Variants in PPA2 observed in about 807,000 individuals in gnomAD.
The protein encoded by PPA2 is inorganic pyrophosphatase 2, mitochondrial.
A neutral mutation model predicts 49.5 loss-of-function variants in PPA2; 48 were observed. The observed-to-expected ratio is 0.97, with a 90% CI of 0.77 to 1.23. PPA2 has a LOEUF of 1.23. Ranked by LOEUF, PPA2 falls within the 50% of genes most tolerant of loss-of-function variation. The pLI, the probability that PPA2 is intolerant of heterozygous loss-of-function variation, is 0.00. For synonymous variants in PPA2, 131 were observed against 139.9 expected (o/e 0.94, Z 0.45); for missense variants, 429 against 410.1 (o/e 1.05, Z -0.40).
chr4:105,383,937 C>A (rs1221900280), intron 10 of PPA2, among the ~76,000 whole-genome samples: 1 of 150,178 alleles, frequency 6.7e-6, no homozygotes, highest in Non-Finnish European at 1.5e-5. Context: ...GAAGACTGTA[C>A]AATATTCAGT....
chr4:105,450,103 A>G (rs1177234346), intron 3 of PPA2, among the ~76,000 whole-genome samples: 1 of 152,082 alleles, frequency 6.6e-6, no homozygotes, highest in Non-Finnish European at 1.5e-5. Flanking sequence ...TAGGTCAATG[A>G]TGAGTAAAAA....
At chr4:105,415,754 A>G (rs2636731) in intron 7 of PPA2, among the ~76,000 whole-genome samples, 89,994 of 152,120 alleles carry the variant, frequency 0.59, 26,752 homozygotes, top group East Asian at 0.68. Context: ...TCTTTGCAGC[A>G]GCTGCTCCAG....
At chr4:105,427,899 A>G (rs1321014049) in intron 6 of PPA2, among the ~76,000 whole-genome samples, 1 of 152,188 alleles carries the variant, frequency 6.6e-6, no homozygotes, top group Non-Finnish European at 1.5e-5. Flanking sequence ...CATAATTGTC[A>G]GATTCACCAA....
chr4:105,450,601 CTTTTTTTT>C lies in PPA2; in HGVS notation c.268-1206_268-1199del, dbSNP rs575896250. The stretch of plus-strand genomic sequence containing the variant: ...ATGCTGGCCAGGCTGGTCTGGAATT[CTTTTTTTT>C]TTTTTTTTTTTTTTTTGAGACGGAG... On this transcript the variant is annotated intron_variant, in intron 3 of 11. Coordinates refer to ENST00000341695, the MANE Select transcript of PPA2 (RefSeq NM_176869.3). Among the ~76,000 whole-genome samples the C allele has an allele frequency of 4.5e-3, 369 of 82,666 alleles. 7 individuals carry two copies. The highest frequency in any genetic ancestry group is 0.014 in the African/African-American group (299 of 21,986). 54.2% of individuals were successfully genotyped at this position (82,666 alleles called of 152,430 possible). A position where few individuals can be genotyped will look rare whatever the true frequency, so the allele number is the denominator to read the frequency against.
chr4:105,399,362 T>C, intron 7 of PPA2, 198 bp from the exon 8 acceptor site: 2 of 472,580 alleles, frequency 4.2e-6, no homozygotes, highest in Non-Finnish European at 7.4e-6. Context: ...TGTATAATAC[T>C]ATTCCTGCAC....
intron 7 of PPA2, among the ~76,000 whole-genome samples, chr4:105,399,913 T>A (rs1734290599): frequency 6.6e-6 from 1 of 152,204 alleles, no homozygotes; most frequent in African/African-American, 2.4e-5. Flanking sequence ...AGTAGCCTGA[T>A]GAAATCTTGC....
In PPA2 at chr4:105,382,003, T is replaced by A. The variant is rs183481585; in HGVS notation, c.939+4564A>T. Among the ~76,000 whole-genome samples, 992 of 151,974 alleles carry A rather than the reference T, an allele frequency of 6.5e-3. 12 individuals carry two copies. Among genetic ancestry groups the A allele is most frequent in the African/African-American group, 0.023 (942 of 41,566 alleles). ...TAATTGTTAAGTTGAACTTCTATAA[T>A]TTTCTTTAATTTCTGCTATATTGTA... On this transcript the variant is annotated intron_variant, in intron 10 of 11. Coordinates refer to ENST00000341695, the MANE Select transcript of PPA2 (RefSeq NM_176869.3).
intron 7 of PPA2, among the ~76,000 whole-genome samples, chr4:105,414,962 A>G (rs2713822): frequency 0.61 from 91,972 of 151,864 alleles, 27,875 homozygotes; most frequent in East Asian, 0.68. Context: ...CACTGAGACT[A>G]CAGCCCTCAG....
chr4:105,422,699 G>T (rs1019499124), intron 7 of PPA2, among the ~76,000 whole-genome samples: 1 of 152,108 alleles, frequency 6.6e-6, no homozygotes, highest in African/African-American at 2.4e-5. Context: ...TTGCAAAGGT[G>T]GGCAAGTCAC....
intron 10 of PPA2, among the ~76,000 whole-genome samples, chr4:105,376,843 G>T (rs1386653449): frequency 2.6e-5 from 4 of 152,132 alleles, no homozygotes; most frequent in African/African-American, 9.7e-5. Flanking sequence ...CCACCAGTTT[G>T]TGTGTGGAGC....
intron 5 of PPA2, among the ~76,000 whole-genome samples, chr4:105,444,053 T>C (rs1724497136): frequency 6.6e-6 from 1 of 152,240 alleles, no homozygotes; most frequent in Non-Finnish European, 1.5e-5. Context: ...TGTCTGTTTA[T>C]CTGACTAAAA....
rs771767332 is a variant in PPA2, at chr4:105,453,635, C to A, written c.230G>T (p.Gly77Val). Reference protein sequence around the residue: ...PLKVNSKEENGIPMKKARNDE... With the variant: ...PLKVNSKEENVIPMKKARNDE... ...ATTTCGTGCTTTCTTCATAGGAATG[C>A]CATTTTCCTATAAAAGAAAAGATGG... Residue 77 changes from glycine to valine, a missense_variant, in exon 3 of 12, where the codon GGC becomes GTC. Transcript: ENST00000341695. 1.2e-6 allele frequency: 2 copies of A among 1,605,310 alleles called. No individual in the cohort carries two copies. The highest frequency in any genetic ancestry group is 1.7e-6 in the Non-Finnish European group (2 of 1,175,728).
At chr4:105,461,718 G>T (rs1723100551) in intron 1 of PPA2, among the ~76,000 whole-genome samples, 1 of 152,142 alleles carries the variant, frequency 6.6e-6, no homozygotes, top group Admixed American at 6.5e-5. Context: ...CAATTTCTCT[G>T]AAGCTTAATT....
chr4:105,443,128 A>C (rs1268415286), intron 5 of PPA2, among the ~76,000 whole-genome samples: 1 of 152,156 alleles, frequency 6.6e-6, no homozygotes, highest in Non-Finnish European at 1.5e-5. Flanking sequence ...GTTATAGAAA[A>C]GGGAAATAAA....
chr4:105,385,046 C>G (rs767028464), intron 10 of PPA2, among the ~76,000 whole-genome samples: 7 of 152,116 alleles, frequency 4.6e-5, no homozygotes, highest in Non-Finnish European at 1.0e-4. Flanking sequence ...TGCCTCAGGA[C>G]CTTTGGGAGT....
intron 7 of PPA2, among the ~76,000 whole-genome samples, chr4:105,419,724 A>G (rs1474418019): frequency 1.3e-5 from 2 of 152,068 alleles, no homozygotes; most frequent in Admixed American, 1.3e-4. Flanking sequence ...ATTAGGATCA[A>G]AAAAGTTATT....
chr4:105,470,510 T>A (rs1331078306), intron 1 of PPA2, among the ~76,000 whole-genome samples: 2 of 151,898 alleles, frequency 1.3e-5, no homozygotes, highest in East Asian at 1.9e-4. Context: ...ACCAAAAAAA[T>A]AAAAATAAAA....
At chr4:105,406,864 A>G (rs1200350626) in intron 7 of PPA2, 2 of 152,202 alleles carry the variant, frequency 1.3e-5, no homozygotes, top group Non-Finnish European at 2.9e-5. Flanking sequence ...TTCACCATTC[A>G]TTAGAAGCAA....
chr4:105,389,959 G>A (rs1399011035), intron 9 of PPA2, among the ~76,000 whole-genome samples: 1 of 152,070 alleles, frequency 6.6e-6, no homozygotes, highest in Non-Finnish European at 1.5e-5. Flanking sequence ...CCAGATTACT[G>A]GTGCCAAAAC....
Sources: allele counts gnomAD v4.1 joint callset (sites outside exome capture counted in the v4.1 genomes callset), GRCh38; gene constraint gnomAD v4.1.1; transcripts MANE v1.5; gene names NCBI Gene and HGNC (gene_info 2026-07-23, HGNC 2026-07-21).